Variants in COBL observed in about 807,000 individuals in gnomAD.
COBL encodes the protein protein cordon-bleu.
In COBL, 51 loss-of-function variants were observed where a neutral mutation model predicts 98.8. The observed-to-expected ratio is 0.52, with a 90% CI of 0.41 to 0.65. The LOEUF is 0.65. Ranked by LOEUF, COBL falls within the 30% of genes least tolerant of loss-of-function variation. The pLI is 0.00. For missense variants in COBL, 1,617 were observed against 1,617.5 expected, an observed-to-expected ratio of 1.00 and a Z score of 0.01; for synonymous variants, 634 against 651.7, an observed-to-expected ratio of 0.97 and a Z score of 0.41.
At chr7:51,048,552 G>C (rs1789938314) in intron 7 of COBL, among the ~76,000 whole-genome samples, 1 of 151,888 alleles carries the variant, frequency 6.6e-6, no homozygotes, top group South Asian at 2.1e-4. Flanking sequence ...GAATTTTAGA[G>C]CATGTCTCTT....
In COBL at chr7:51,129,323, C is replaced by A. The variant is rs114769067; in HGVS notation, c.957+6835G>T. 3.2e-3 allele frequency among the ~76,000 whole-genome samples: 487 copies of A among 151,614 alleles called. 2 individuals are homozygous for A. The highest frequency in any genetic ancestry group is 7.0e-3 in the Admixed American group (107 of 15,222). On this transcript the variant is annotated intron_variant, in intron 6 of 12. Transcript: ENST00000265136. The stretch of plus-strand genomic sequence containing the variant: ...CTTTGCGCTCACATGGTGGAAGGGG[C>A]GGGGGAGCTCTCTGGGCTCTCTTTT...
intron 1 of COBL, among the ~76,000 whole-genome samples, chr7:51,236,044 A>G (rs948207764): frequency 1.3e-5 from 2 of 152,168 alleles, no homozygotes; most frequent in Non-Finnish European, 2.9e-5. Flanking sequence ...CCTTTTACGT[A>G]AGCAGGGGCC....
At chr7:51,173,383 T>C (rs997336370) in intron 5 of COBL, among the ~76,000 whole-genome samples, 11 of 150,934 alleles carry the variant, frequency 7.3e-5, no homozygotes, top group African/African-American at 2.7e-4. Flanking sequence ...GGGTTTCACC[T>C]TGTTGCCCAG....
intron 2 of COBL, among the ~76,000 whole-genome samples, chr7:51,217,392 A>G (rs1793167587): frequency 7.6e-6 from 1 of 131,910 alleles, no homozygotes; most frequent in African/African-American, 3.0e-5. Flanking sequence ...CCCAGGCTGT[A>G]ATGCAATGGC....
intron 1 of COBL, among the ~76,000 whole-genome samples, chr7:51,245,560 A>T (rs1233513792): frequency 6.6e-6 from 1 of 152,214 alleles, no homozygotes; most frequent in Non-Finnish European, 1.5e-5. Context: ...AATGAATTAC[A>T]TCCATAGAAG....
Position 51,058,642 on chromosome 7 carries a change from C to T in COBL, c.1097-14950G>A, listed in dbSNP as rs17799189. On this transcript the variant is annotated intron_variant, in intron 7 of 12. Coordinates refer to ENST00000265136, the MANE Select transcript of COBL (RefSeq NM_015198.5). ...GTGCGGATTCAACTGTGGCCTCCAG[C>T]AAATCAGTGCTTACAGGCTATGGCT... Among the ~76,000 whole-genome samples the T allele has an allele frequency of 2.7e-3, 404 of 152,274 alleles. 9 individuals are homozygous for T. The East Asian group carries it at 0.059, about 22-fold the overall frequency.
chr7:51,033,203 G>C (rs1192652147), intron 8 of COBL: 1 of 152,142 alleles, frequency 6.6e-6, no homozygotes, highest in African/African-American at 2.4e-5. Context: ...TGTTGCTACA[G>C]GTTTTAATTG....
At chr7:51,092,239 GA>G (rs1794882826) in intron 6 of COBL, among the ~76,000 whole-genome samples, 2 of 152,190 alleles carry the variant, frequency 1.3e-5, no homozygotes, top group Non-Finnish European at 2.9e-5. Context: ...CTGGTCCGTG[GA>G]AAAATTGTCT....
At chr7:51,219,654 T>C (rs1793423841) in intron 2 of COBL, 87 bp downstream of exon 2, 1 of 1,407,574 alleles carries the variant, frequency 7.1e-7, no homozygotes, top group Non-Finnish European at 9.8e-7. Context: ...AGGAGGAAAA[T>C]GCAATACATC....
intron 1 of COBL, among the ~76,000 whole-genome samples, chr7:51,226,343 A>ACTTCATCC (rs1279241670): frequency 3.9e-5 from 6 of 152,110 alleles, no homozygotes; most frequent in Admixed American, 1.3e-4. Context: ...CAGCAATAGG[A>ACTTCATCC]TGTTTGCTTC....
rs1014768719 is a variant in COBL at position 51,251,513 on chromosome 7, A to G, written c.42-31569T>C. Among the ~76,000 whole-genome samples, 4 of 151,312 alleles carry G rather than the reference A, an allele frequency of 2.6e-5. No individual in the cohort carries two copies. In the South Asian group the frequency reaches 8.3e-4, roughly 31 times the overall value. On this transcript the variant is annotated intron_variant, in intron 1 of 12. Coordinates refer to ENST00000265136, the MANE Select transcript of COBL (RefSeq NM_015198.5). ...CATACAAAGCTGCTCCTAGCTTACA[A>G]AAGTTTAGATTTGCTTAGAATTTAT...
At chr7:51,160,938 C>CT (rs1290860511) in intron 5 of COBL, among the ~76,000 whole-genome samples, 4 of 151,360 alleles carry the variant, frequency 2.6e-5, no homozygotes, top group African/African-American at 9.7e-5. Context: ...GAGTCTCACT[C>CT]TGTCGCCCAG....
intron 1 of COBL, among the ~76,000 whole-genome samples, chr7:51,299,553 T>A (rs1310648122): frequency 3.3e-5 from 5 of 152,130 alleles, no homozygotes; most frequent in African/African-American, 1.2e-4. Context: ...GTTGGCGCTC[T>A]CTAAGGAGGA....
At chr7:51,215,535 C>T (rs1792949500) in intron 2 of COBL, among the ~76,000 whole-genome samples, 1 of 152,180 alleles carries the variant, frequency 6.6e-6, no homozygotes, top group African/African-American at 2.4e-5. Flanking sequence ...GCTCAGGTTA[C>T]CAAAGTGGGC....
chr7:51,131,609 T>C (rs987948740), intron 6 of COBL, among the ~76,000 whole-genome samples: 1 of 151,712 alleles, frequency 6.6e-6, no homozygotes, highest in African/African-American at 2.4e-5. Context: ...TTTTTTTTTT[T>C]CTGAAATGGA....
At chr7:51,308,797 C>A (rs1802729120) in intron 1 of COBL, among the ~76,000 whole-genome samples, 1 of 152,164 alleles carries the variant, frequency 6.6e-6, no homozygotes. Flanking sequence ...CTGGCTGTAG[C>A]ATGGACAAGG....
chr7:51,177,817 A>AATAT (rs909708427), intron 5 of COBL, among the ~76,000 whole-genome samples: 5 of 149,966 alleles, frequency 3.3e-5, no homozygotes, highest in African/African-American at 1.2e-4. Flanking sequence ...TAAATAAATA[A>AATAT]AAATTTAAAA....
chr7:51,297,677 G>A (rs1801545531), intron 1 of COBL, among the ~76,000 whole-genome samples: 1 of 152,062 alleles, frequency 6.6e-6, no homozygotes, highest in Non-Finnish European at 1.5e-5. Flanking sequence ...ACAGGCTTGA[G>A]CCACCATGCC....
At chr7:51,280,803 T>C (rs910623807) in intron 1 of COBL, among the ~76,000 whole-genome samples, 1 of 152,156 alleles carries the variant, frequency 6.6e-6, no homozygotes, top group Non-Finnish European at 1.5e-5. Context: ...AGCAGAAACA[T>C]GAGAAGATCT....
Sources: allele counts gnomAD v4.1 joint callset (sites outside exome capture counted in the v4.1 genomes callset), GRCh38; gene constraint gnomAD v4.1.1; transcripts MANE v1.5; gene names NCBI Gene and HGNC (gene_info 2026-07-23, HGNC 2026-07-21).